Variants in CASP1 observed in about 807,000 individuals in gnomAD.
The protein encoded by CASP1 is caspase-1.
Under a neutral mutation model 41.2 loss-of-function variants are expected in CASP1, and 31 were observed. The observed-to-expected ratio is 0.75, with a 90% CI of 0.57 to 1.02. CASP1 has a LOEUF of 1.02. CASP1 is among the 50% of genes least tolerant of loss of function. The pLI, the probability that CASP1 is intolerant of heterozygous loss-of-function variation, is 0.00. For missense variants in CASP1, 490 were observed against 495.7 expected (o/e 0.99, Z 0.11); for synonymous variants, 163 against 166.5 (o/e 0.98, Z 0.16).
At chr11:105,035,210 GTGCA>G, upstream of CASP1, 1 of 1,461,502 alleles carries the variant, frequency 6.8e-7, no homozygotes, top group Non-Finnish European at 9.6e-7. Context: ...AATACTCACT[GTGCA>G]TGCATATGCA....
At position 105,026,941 on chromosome 11, in the gene CASP1, A is replaced by T; in HGVS notation, c.1017T>A (p.Ser339=). 3 of 1,570,340 alleles carry T rather than the reference A, an allele frequency of 1.9e-6. No homozygotes were observed. The highest frequency in any genetic ancestry group is 2.6e-6 in the Non-Finnish European group (3 of 1,140,314). The change falls in exon 8 of 9, where the codon TCT becomes TCA. Residue 339 remains serine (S), a synonymous_variant. Coordinates refer to ENST00000533400, the MANE Select transcript of CASP1 (RefSeq NM_001257118.3). Reference sequence around the variant, plus strand: ...CAGAGCCCATTGTGGGATGTCTCCAAGAAACATTATCTATGGATAAAGCAC... The same window carrying T: ...CAGAGCCCATTGTGGGATGTCTCCATGAAACATTATCTATGGATAAAGCAC... ...AFCSSTPDNV[S]WRHPTMGSVF...
At position 105,026,398 on chromosome 11, in the gene CASP1, GT is replaced by G. The variant is rs3216159; in HGVS notation, c.1117-43del. 4.0e-4 allele frequency: 459 copies of G among 1,154,902 alleles called. 1 individual carries two copies. The highest frequency in any genetic ancestry group is 8.3e-4 in the Middle Eastern group (4 of 4,804). The allele number at this position is 1,154,902 out of a possible 1,614,324, so 71.5% of individuals were successfully genotyped here. A position where few individuals can be genotyped will look rare whatever the true frequency, so the allele number is the denominator to read the frequency against. ...AGTCTGTAGCCCTTTTTTTTGCTGA[GT>G]TTTTTTTTTCAAGAATTTCTTGAGT... On this transcript the variant is annotated intron_variant, in intron 8 of 8. Transcript: ENST00000533400.
chr11:105,032,589 A>G (rs1863766815), intron 3 of CASP1, among the ~76,000 whole-genome samples: 1 of 152,170 alleles, frequency 6.6e-6, no homozygotes, highest in Non-Finnish European at 1.5e-5. Context: ...ATTTGAGAAA[A>G]GCCTGCATAA....
intron 7 of CASP1, 147 bp downstream of exon 7, chr11:105,028,977 T>C: frequency 1.5e-6 from 1 of 677,884 alleles, no homozygotes; most frequent in Non-Finnish European, 2.5e-6. Context: ...ATATGCAAAA[T>C]TGCTCTCTTG....
intron 1 of CASP1, 85 bp from the exon 2 acceptor site, chr11:105,034,559 A>G: frequency 6.3e-7 from 1 of 1,578,870 alleles, no homozygotes. Flanking sequence ...CCTCATTTAG[A>G]TTTCATCAGT....
chr11:105,030,482 A>T lies in CASP1; in HGVS notation c.475T>A (p.Ser159Thr). The change falls in exon 5 of 9, where the codon TCA (serine) becomes ACA (threonine). Residue 159 changes from serine (S) to threonine (T), a missense_variant. Transcript: ENST00000533400. ...SAEIYPIMDK[S>T]SRTRLALIIC... ...ATGAGAGCAAGACGTGTGCGGCTTG[A>T]CTTGTCCATTATTGGATAAATCTGT... 6.2e-7 allele frequency: 1 copy of T among 1,612,884 alleles called. No individual in the cohort carries two copies. Among genetic ancestry groups the T allele is most frequent in the Non-Finnish European group, 8.5e-7 (1 of 1,179,368 alleles).
intron 7 of CASP1, 27 bp downstream of exon 7, chr11:105,029,097 A>G (rs771161078): frequency 1.9e-6 from 3 of 1,603,272 alleles, no homozygotes; most frequent in Non-Finnish European, 2.6e-6. Context: ...AGCCCCAACA[A>G]AGATGTCCTG....
chr11:105,028,735 G>A (rs548161051), intron 7 of CASP1, among the ~76,000 whole-genome samples: 1 of 151,946 alleles, frequency 6.6e-6, no homozygotes, highest in Non-Finnish European at 1.5e-5. Flanking sequence ...AAAGTGTCTC[G>A]CTTGCTGTTC....
chr11:105,029,600 C>T (rs763315917), intron 6 of CASP1, 65 bp downstream of exon 6: 5 of 1,217,498 alleles, frequency 4.1e-6, no homozygotes, highest in Non-Finnish European at 6.0e-6. Context: ...ACCAAAAATT[C>T]TTGGATGCAT....
upstream of CASP1, among the ~76,000 whole-genome samples, chr11:105,036,372 A>T (rs1374207612): frequency 6.6e-6 from 1 of 152,152 alleles, no homozygotes; most frequent in African/African-American, 2.4e-5. Flanking sequence ...TTGGTCTCAC[A>T]TTCAAGAGGG....
At chr11:105,030,626 T>C (rs371715067) in intron 4 of CASP1, 123 bp from the exon 5 acceptor site, 1 of 750,558 alleles carries the variant, frequency 1.3e-6, no homozygotes, top group Admixed American at 2.9e-5. Flanking sequence ...GAACCATACA[T>C]TGAAAAGGGG....
At position 105,026,117 on chromosome 11, in the gene CASP1, A is replaced by T. The variant is rs1977989; in HGVS notation, c.*141T>A. 5 of 556,650 alleles carry T rather than the reference A, an allele frequency of 9.0e-6. No individual in the cohort carries two copies. The highest frequency in any genetic ancestry group is 1.6e-5 in the Non-Finnish European group (5 of 313,488). The allele number at this position is 556,650 out of a possible 1,614,324, so 34.5% of individuals were successfully genotyped here. ...TGGATTTTAGAGCATTTCAAAATTC[A>T]AATTTTTGGATTAAGGATTCTCAGC... On this transcript the variant is annotated 3_prime_UTR_variant, in exon 9 of 9. Transcript: ENST00000533400.
intron 7 of CASP1, among the ~76,000 whole-genome samples, chr11:105,028,206 A>G (rs1286042988): frequency 6.6e-6 from 1 of 152,100 alleles, no homozygotes; most frequent in East Asian, 1.9e-4. Context: ...GGCATGTTCA[A>G]CCCAATGTAG....
At position 105,031,334 on chromosome 11, in the gene CASP1, G is replaced by A; in HGVS notation, c.338-54C>T. 9 of 1,053,098 alleles carry A rather than the reference G, an allele frequency of 8.5e-6. No homozygotes were observed. In the South Asian group the frequency reaches 1.2e-4, roughly 14 times the overall value. 65.2% of individuals were successfully genotyped at this position (1,053,098 alleles called of 1,614,324 possible). On this transcript the variant is annotated intron_variant, in intron 3 of 8. Coordinates refer to ENST00000533400, the MANE Select transcript of CASP1 (RefSeq NM_001257118.3). ...GTGGCATCCCTGTTTGTTCCACTTT[G>A]TGTTTGTTACAGCCTCACCTATGGA...
At position 105,034,463 on chromosome 11, in the gene CASP1, T is replaced by G. The variant is rs775517864; in HGVS notation, c.19A>C (p.Lys7Gln). The G allele has an allele frequency of 1.6e-5, 26 of 1,613,986 alleles. No individual in the cohort carries two copies. Among genetic ancestry groups the G allele is most frequent in the Non-Finnish European group, 2.0e-5 (24 of 1,179,980 alleles). MADKVL[K>Q]EKRKLFIRSM... ...CGGATAAACAGCTTTCTCTTCTCCT[T>G]CAGGACCTTGTCTGTTTAGAGCACA... The change falls in exon 2 of 9, where the codon AAG becomes CAG. Residue 7 changes from lysine to glutamine, a missense_variant. Transcript: ENST00000533400.
At chr11:105,032,495 T>C (rs983725230) in intron 3 of CASP1, among the ~76,000 whole-genome samples, 30 of 152,130 alleles carry the variant, frequency 2.0e-4, no homozygotes, top group Admixed American at 4.6e-4. Context: ...CTACATTGCT[T>C]TCAGATATAA....
intron 5 of CASP1, 126 bp downstream of exon 5, chr11:105,030,204 C>T (rs1299203164): frequency 2.4e-6 from 2 of 831,470 alleles, no homozygotes; most frequent in African/African-American, 1.7e-5. Flanking sequence ...CCAGCACTCT[C>T]TCATGGCAAG....
chr11:105,035,624 T>TTTTTTTTGTTG (rs1555005506), upstream of CASP1, among the ~76,000 whole-genome samples: 1 of 139,632 alleles, frequency 7.2e-6, no homozygotes, highest in South Asian at 2.4e-4. Context: ...TTCTGTTTTT[T>TTTTTTTTGTTG]TTTTTTTCTG....
chr11:105,025,575 C>A lies in CASP1; in HGVS notation c.*683G>T. 1 of 421,512 alleles carries A rather than the reference C, an allele frequency of 2.4e-6. No homozygotes were observed. Among genetic ancestry groups the A allele is most frequent in the Non-Finnish European group, 4.6e-6 (1 of 215,696 alleles). The allele number at this position is 421,512 out of a possible 1,614,324, so 26.1% of individuals were successfully genotyped here. On this transcript the variant is annotated 3_prime_UTR_variant, in exon 9 of 9. Transcript: ENST00000533400. ...TATTCAGCAGACATAATTCCAAAAACCTTTACAGAAGGATCTCTTCACTTC... is the reference window on the plus strand; with the variant it reads ...TATTCAGCAGACATAATTCCAAAAAACTTTACAGAAGGATCTCTTCACTTC...
Sources: gnomAD v4.1 joint callset for allele counts (sites outside exome capture counted in the v4.1 genomes callset) on GRCh38, gnomAD v4.1.1 for gene constraint, MANE v1.5 for transcripts, NCBI Gene and HGNC (gene_info 2026-07-23, HGNC 2026-07-21) for gene names.